Variants in NECAB1 observed in about 807,000 individuals in gnomAD.
The protein encoded by NECAB1 is N-terminal EF-hand calcium-binding protein 1.
In NECAB1, 29 loss-of-function variants were observed where a neutral mutation model predicts 57.5. The observed-to-expected ratio is 0.50, with a 90% CI of 0.38 to 0.69. NECAB1 has a LOEUF of 0.69. NECAB1 is among the 30% of genes least tolerant of loss of function. NECAB1 has a pLI of 0.00. For missense variants in NECAB1, 372 were observed against 413.8 expected (o/e 0.90, Z 0.88); for synonymous variants, 142 against 147.7 (o/e 0.96, Z 0.28).
At position 90,928,210 on chromosome 8, in the gene NECAB1, C is replaced by T. The variant is rs1358160396; in HGVS notation, c.617-13C>T. 1 of 1,593,362 alleles carries T rather than the reference C, an allele frequency of 6.3e-7. No homozygotes were observed. ...GTTTAACATATTGCCCTCATGATTC[C>T]CCCTGGCCCCAGGCTTATTAGAAGA... On this transcript the variant is annotated splice_polypyrimidine_tract_variant and intron_variant, in intron 7 of 12. Transcript: ENST00000417640.
rs538393679 is a variant in NECAB1 at position 90,881,834 on chromosome 8, C to CATCT, written c.357+706_357+709dup. 8.5e-4 allele frequency among the ~76,000 whole-genome samples: 129 copies of CATCT among 152,304 alleles called. 3 individuals are homozygous for CATCT. In the South Asian group the frequency reaches 0.025, roughly 30 times the overall value. The stretch of plus-strand genomic sequence containing the variant: ...GCCCAATGAGAAGCACAAGATAAGA[C>CATCT]ATCTAATTCATGCTGGAGATGAGAT... On this transcript the variant is annotated intron_variant, in intron 5 of 12. Transcript: ENST00000417640.
chr8:90,797,859 G>C (rs1811688110), intron 1 of NECAB1, among the ~76,000 whole-genome samples: 1 of 152,164 alleles, frequency 6.6e-6, no homozygotes. Context: ...AGTGCTATCT[G>C]GACCCAGTTT....
chr8:90,954,318 T>A (rs1810977156), intron 12 of NECAB1, among the ~76,000 whole-genome samples: 1 of 152,006 alleles, frequency 6.6e-6, no homozygotes, highest in Non-Finnish European at 1.5e-5. Flanking sequence ...CCAGATTGCA[T>A]CCAGATATGA....
Position 90,810,990 on chromosome 8 carries a change from C to T in NECAB1, c.124+9275C>T, listed in dbSNP as rs192667612. ...TGAGACAGAGTCTTGCTCTGTCTCC[C>T]AGGCTGGAGCGCAGTGGTGCAATCT... On this transcript the variant is annotated intron_variant, in intron 2 of 12. Coordinates refer to ENST00000417640, the MANE Select transcript of NECAB1 (RefSeq NM_022351.5). Among the ~76,000 whole-genome samples the T allele has an allele frequency of 6.1e-4, 92 of 151,434 alleles. 1 individual carries two copies. The East Asian group carries it at 0.013, about 22-fold the overall frequency.
At position 90,955,500 on chromosome 8, in the gene NECAB1, C is replaced by A; in HGVS notation, c.1044C>A (p.Ile348=). 6.4e-7 allele frequency: 1 copy of A among 1,553,768 alleles called. No individual in the cohort carries two copies. The highest frequency in any genetic ancestry group is 1.2e-5 in the South Asian group (1 of 83,446). ...STMLVPASWW[I]LNN The stretch of plus-strand genomic sequence containing the variant: ...TTCTCTTTTCAGCTTCGTGGTGGAT[C>A]CTGAACAACTAGATGTTCCTAGACA... The change falls in exon 13 of 13, where the codon ATC becomes ATA. Residue 348 remains isoleucine, a synonymous_variant. Coordinates refer to ENST00000417640, the MANE Select transcript of NECAB1 (RefSeq NM_022351.5).
At chr8:90,903,127 A>G (rs1043054391) in intron 5 of NECAB1, among the ~76,000 whole-genome samples, 7 of 152,018 alleles carry the variant, frequency 4.6e-5, no homozygotes, top group Admixed American at 1.3e-4. Flanking sequence ...TGAAAAAACA[A>G]TATATTATAG....
intron 3 of NECAB1, among the ~76,000 whole-genome samples, chr8:90,832,237 C>G (rs1177087289): frequency 1.3e-5 from 2 of 152,110 alleles, no homozygotes; most frequent in South Asian, 4.1e-4. Flanking sequence ...TTTAAAAACT[C>G]TTCTTTCCTA....
chr8:90,928,950 C>A (rs1810343001), intron 8 of NECAB1, among the ~76,000 whole-genome samples: 1 of 151,918 alleles, frequency 6.6e-6, no homozygotes, highest in Non-Finnish European at 1.5e-5. Context: ...ATAGGAGAGA[C>A]AACTTTTGTC....
intron 4 of NECAB1, among the ~76,000 whole-genome samples, chr8:90,878,802 G>A (rs1563514516): frequency 6.6e-6 from 1 of 151,252 alleles, no homozygotes; most frequent in Admixed American, 6.6e-5. Flanking sequence ...TGTGTGCATA[G>A]GTCCAATTTT....
chr8:90,920,611 C>G (rs1405123448), intron 6 of NECAB1, among the ~76,000 whole-genome samples: 3 of 152,160 alleles, frequency 2.0e-5, no homozygotes, highest in Non-Finnish European at 2.9e-5. Context: ...TCTCATGTTA[C>G]CCATCTCTCA....
intron 4 of NECAB1, among the ~76,000 whole-genome samples, chr8:90,875,000 A>G (rs1428641824): frequency 6.6e-6 from 1 of 151,582 alleles, no homozygotes; most frequent in African/African-American, 2.4e-5. Context: ...CTCAGTTTTA[A>G]TTAGGCAATT....
At chr8:90,812,369 T>C (rs1265608306) in intron 2 of NECAB1, among the ~76,000 whole-genome samples, 1 of 152,220 alleles carries the variant, frequency 6.6e-6, no homozygotes, top group Non-Finnish European at 1.5e-5. Context: ...AAGTGTTTTT[T>C]TCTTACTTTT....
chr8:90,881,086 G>C lies in NECAB1; in HGVS notation c.313G>C (p.Asp105His). Reference protein sequence around the residue: ...EYENVLAALEDLNLSILKAMG... With the variant: ...EYENVLAALEHLNLSILKAMG... ...TGAGAATGTACTAGCAGCACTTGAA[G>C]ACCTGAATCTTTCCATCCTGAAGGC... The change falls in exon 5 of 13, where the codon GAC becomes CAC. Residue 105 changes from aspartate to histidine, a missense_variant. Coordinates refer to ENST00000417640, the MANE Select transcript of NECAB1 (RefSeq NM_022351.5). 8 of 1,607,948 alleles carry C rather than the reference G, an allele frequency of 5.0e-6. No individual in the cohort carries two copies. The highest frequency in any genetic ancestry group is 1.3e-5 in the African/African-American group (1 of 74,898).
Position 90,940,569 on chromosome 8 carries a change from C to T in NECAB1, c.748-217C>T, listed in dbSNP as rs1563543167. Reference sequence around the variant, plus strand: ...GGGAAACACGTCATTGTAAAGAACACGTTGTTTAGCTTCTGGGACTAGAGG... The same window carrying T: ...GGGAAACACGTCATTGTAAAGAACATGTTGTTTAGCTTCTGGGACTAGAGG... On this transcript the variant is annotated intron_variant, in intron 9 of 12. Coordinates refer to ENST00000417640, the MANE Select transcript of NECAB1 (RefSeq NM_022351.5). 2.3e-5 allele frequency: 11 copies of T among 485,022 alleles called. 1 individual carries two copies. Among genetic ancestry groups the T allele is most frequent in the Admixed American group, 6.5e-5 (2 of 30,836 alleles). 30.0% of individuals were successfully genotyped at this position (485,022 alleles called of 1,614,324 possible).
intron 4 of NECAB1, among the ~76,000 whole-genome samples, chr8:90,874,069 G>A (rs1808667950): frequency 6.6e-6 from 1 of 152,112 alleles, no homozygotes; most frequent in African/African-American, 2.4e-5. Flanking sequence ...TCAAGAATAT[G>A]CATTTTAATC....
At chr8:90,856,633 C>T (rs1794866206) in intron 3 of NECAB1, among the ~76,000 whole-genome samples, 2 of 152,156 alleles carry the variant, frequency 1.3e-5, no homozygotes, top group African/African-American at 2.4e-5. Flanking sequence ...TTATTTGGAA[C>T]GTGTTTTGGT....
chr8:90,843,301 C>T (rs891214294), intron 3 of NECAB1, among the ~76,000 whole-genome samples: 2 of 152,176 alleles, frequency 1.3e-5, no homozygotes, highest in Admixed American at 6.5e-5. Context: ...CAAACCATAT[C>T]ACACACCATT....
intron 3 of NECAB1, among the ~76,000 whole-genome samples, chr8:90,846,318 GAAGTAATTATTTCAC>G (rs1812557884): frequency 6.6e-6 from 1 of 152,184 alleles, no homozygotes; most frequent in South Asian, 2.1e-4. Flanking sequence ...TGAAATTGCA[GAAGTAATTATTTCAC>G]TGTGAATGTG....
At chr8:90,837,870 T>G (rs1223445389) in intron 3 of NECAB1, among the ~76,000 whole-genome samples, 5 of 152,242 alleles carry the variant, frequency 3.3e-5, no homozygotes, top group Non-Finnish European at 7.3e-5. Context: ...ATTGAGTTTT[T>G]GTTTTACTAT....
Sources: gnomAD v4.1 joint callset for allele counts (sites outside exome capture counted in the v4.1 genomes callset) on GRCh38, gnomAD v4.1.1 for gene constraint, MANE v1.5 for transcripts, NCBI Gene and HGNC (gene_info 2026-07-23, HGNC 2026-07-21) for gene names.